ARV1: variants seen among roughly 807,000 people sequenced by gnomAD.
ARV1 encodes the protein ARV1 fatty acid homeostasis modulator.
Under a neutral mutation model 31.1 loss-of-function variants are expected in ARV1, and 26 were observed. The ratio of observed to expected loss-of-function variants is 0.84; its 90% confidence interval spans 0.61 to 1.16. ARV1 has a LOEUF of 1.16. Among genes scored for constraint, ARV1 ranks in the 50% most tolerant of loss-of-function variants. The pLI, the probability that ARV1 is intolerant of heterozygous loss-of-function variation, is 0.00. For missense variants in ARV1, 281 were observed against 324.9 expected, an observed-to-expected ratio of 0.86 and a Z score of 1.04; for synonymous variants, 117 against 123.2, an observed-to-expected ratio of 0.95 and a Z score of 0.34.
At chr1:230,998,143 C>G (rs1411729510) in intron 5 of ARV1, among the ~76,000 whole-genome samples, 1 of 152,136 alleles carries the variant, frequency 6.6e-6, no homozygotes, top group Admixed American at 6.5e-5. Context: ...GTGGGTGTTC[C>G]CCTCCCTCCA....
intron 1 of ARV1, among the ~76,000 whole-genome samples, chr1:230,982,845 G>A (rs1390181114): frequency 6.6e-6 from 1 of 152,182 alleles, no homozygotes; most frequent in Non-Finnish European, 1.5e-5. Context: ...ACCATGTGTT[G>A]TGACATAATC....
At chr1:230,980,191 G>A (rs148271346) in intron 1 of ARV1, among the ~76,000 whole-genome samples, 1 of 152,094 alleles carries the variant, frequency 6.6e-6, no homozygotes, top group Non-Finnish European at 1.5e-5. Flanking sequence ...TTGTCAAAAT[G>A]TCAACCCTTG....
intron 1 of ARV1, among the ~76,000 whole-genome samples, chr1:230,987,639 C>T (rs1443312584): frequency 6.6e-6 from 1 of 152,208 alleles, no homozygotes; most frequent in East Asian, 1.9e-4. Flanking sequence ...CTAGGCTGCA[C>T]AGCCTAGTTC....
chr1:230,984,371 T>TGTGC (rs1553303982), intron 1 of ARV1, among the ~76,000 whole-genome samples: 13 of 85,490 alleles, frequency 1.5e-4, no homozygotes, highest in Non-Finnish European at 2.3e-4. Context: ...TGCGTGTGTG[T>TGTGC]GTGTGTGTGT....
chr1:230,991,692 C>A (rs185806147), intron 3 of ARV1, among the ~76,000 whole-genome samples: 6,294 of 147,150 alleles, frequency 0.043, 360 homozygotes, highest in African/African-American at 0.13. Context: ...AGTGCAGTGG[C>A]GCGGTCTTGA....
chr1:230,986,594 T>TATGGAACCCAATTACC (rs1679076138), intron 1 of ARV1, among the ~76,000 whole-genome samples: 1 of 150,760 alleles, frequency 6.6e-6, no homozygotes, highest in Non-Finnish European at 1.5e-5. Flanking sequence ...CCACAGATAG[T>TATGGAACCCAATTACC]ATGGAACCCA....
At chr1:230,983,202 C>T (rs1678960149) in intron 1 of ARV1, among the ~76,000 whole-genome samples, 1 of 152,124 alleles carries the variant, frequency 6.6e-6, no homozygotes, top group African/African-American at 2.4e-5. Context: ...AGCACGAGGT[C>T]AGGAGTTCAA....
At chr1:230,984,819 G>A (rs1679018449) in intron 1 of ARV1, among the ~76,000 whole-genome samples, 1 of 152,212 alleles carries the variant, frequency 6.6e-6, no homozygotes, top group Non-Finnish European at 1.5e-5. Context: ...ATTAGATATA[G>A]GGTCTATGCC....
Position 230,997,220 on chromosome 1 carries a change from A to G in ARV1, c.773A>G (p.Asp258Gly), listed in dbSNP as rs760971494. The stretch of plus-strand genomic sequence containing the variant: ...TACTTCTTCCAGAGTATGGAATGGG[A>G]TGTTGGAAGTGATTATGCCATCTTT... ...MVYFFQSMEW[D>G]VGSDYAIFKS... The change falls in exon 5 of 6, where the codon GAT becomes GGT. Residue 258 changes from aspartate (D) to glycine (G), a missense_variant. By Grantham distance (94) the Asp-to-Gly change is moderately conservative. Transcript: ENST00000310256. The G allele has an allele frequency of 2.5e-6, 4 of 1,613,922 alleles. No homozygotes were observed. Among genetic ancestry groups the G allele is most frequent in the South Asian group, 1.1e-5 (1 of 91,070 alleles).
chr1:230,984,369 T>C (rs7539207), intron 1 of ARV1, among the ~76,000 whole-genome samples: 2,727 of 88,426 alleles, frequency 0.031, 38 homozygotes, highest in Non-Finnish European at 0.045. Flanking sequence ...TGTGCGTGTG[T>C]GTGTGTGTGT....
Position 230,996,999 on chromosome 1 carries a change from A to C in ARV1, c.674-122A>C, listed in dbSNP as rs190119591. 4.6e-5 allele frequency: 56 copies of C among 1,207,432 alleles called. No individual in the cohort carries two copies. In the East Asian group the frequency reaches 1.3e-3, roughly 28 times the overall value. 74.8% of individuals were successfully genotyped at this position (1,207,432 alleles called of 1,614,324 possible). On this transcript the variant is annotated intron_variant, in intron 4 of 5. Coordinates refer to ENST00000310256, the MANE Select transcript of ARV1 (RefSeq NM_022786.3). ...GTGGGAGAAGGTAACAGCATAGATT[A>C]ATAAGAACAAACATTGATTTTTCCA...
chr1:230,980,762 T>TA (rs752035039), intron 1 of ARV1, among the ~76,000 whole-genome samples: 14,389 of 121,752 alleles, frequency 0.12, 708 homozygotes, highest in Middle Eastern at 0.22. Flanking sequence ...ACTTCTTCCA[T>TA]CAAAAAAAAA....
intron 1 of ARV1, 144 bp from the exon 2 acceptor site, chr1:230,988,176 T>G: frequency 1.6e-6 from 1 of 618,574 alleles, no homozygotes; most frequent in Non-Finnish European, 2.8e-6. Context: ...GAACATTTTG[T>G]ATCTGAATGG....
chr1:230,995,906 T>C lies in ARV1; in HGVS notation c.595T>C (p.Trp199Arg). ...ACTCTTGCTGATTCCAGCTGTCATT[T>C]GGGAACATGACTACACATCTGTGTG... ...GKLLLIPAVI[W>R]EHDYTSVCLK... Residue 199 changes from tryptophan to arginine, a missense_variant, in exon 4 of 6, where the codon TGG (tryptophan) becomes CGG (arginine). Transcript: ENST00000310256. 2 of 1,614,176 alleles carry C rather than the reference T, an allele frequency of 1.2e-6. No individual in the cohort carries two copies.
chr1:230,990,965 A>G (rs569623312), intron 3 of ARV1, among the ~76,000 whole-genome samples: 1 of 152,260 alleles, frequency 6.6e-6, no homozygotes, highest in African/African-American at 2.4e-5. Flanking sequence ...ACATTACCCA[A>G]TGTATTGTAC....
intron 1 of ARV1, among the ~76,000 whole-genome samples, chr1:230,987,917 A>G (rs1178892405): frequency 6.6e-6 from 1 of 152,244 alleles, no homozygotes; most frequent in Non-Finnish European, 1.5e-5. Context: ...TCTAGCCAAG[A>G]GGCAACAATT....
intron 1 of ARV1, among the ~76,000 whole-genome samples, chr1:230,982,693 T>C (rs1373435320): frequency 6.6e-6 from 1 of 152,232 alleles, no homozygotes; most frequent in African/African-American, 2.4e-5. Flanking sequence ...TAATGCATAC[T>C]AAACTTTAGG....
chr1:230,990,031 C>T (rs1420637341), intron 2 of ARV1, 79 bp from the exon 3 acceptor site: 1 of 1,405,538 alleles, frequency 7.1e-7, no homozygotes, highest in South Asian at 1.5e-5. Context: ...GGTGGGATGC[C>T]ACAAATACTC....
At chr1:230,999,878 TAAG>T (rs1679474916) in intron 5 of ARV1, 1 of 152,194 alleles carries the variant, frequency 6.6e-6, no homozygotes, top group African/African-American at 2.4e-5. Flanking sequence ...GTTAGGAAAA[TAAG>T]GTCACATATC....
Sources: gnomAD v4.1 joint callset for allele counts (sites outside exome capture counted in the v4.1 genomes callset) on GRCh38, gnomAD v4.1.1 for gene constraint, MANE v1.5 for transcripts, NCBI Gene and HGNC (gene_info 2026-07-23, HGNC 2026-07-21) for gene names.